CNTN6: variants seen among roughly 807,000 people sequenced by gnomAD.
CNTN6 encodes contactin-6.
In CNTN6, 137 loss-of-function variants were observed where a neutral mutation model predicts 122.8. The observed-to-expected ratio is 1.12, with a 90% CI of 0.97 to 1.29. CNTN6 has a LOEUF of 1.29. CNTN6 is among the 50% of genes most tolerant of loss of function. CNTN6 has a pLI of 0.00. For synonymous variants in CNTN6, 570 were observed against 426.0 expected (o/e 1.34, Z -4.16); for missense variants, 1,634 against 1,223.4 (o/e 1.34, Z -5.01).
At chr3:1,257,011 A>T (rs1260569672) in intron 4 of CNTN6, among the ~76,000 whole-genome samples, 2 of 152,142 alleles carry the variant, frequency 1.3e-5, no homozygotes, top group Non-Finnish European at 2.9e-5. Context: ...GCACCACCCG[A>T]ATATGCTATT....
chr3:1,171,896 C>T (rs1373437777), intron 2 of CNTN6, among the ~76,000 whole-genome samples: 2 of 152,158 alleles, frequency 1.3e-5, no homozygotes, highest in East Asian at 3.9e-4. Flanking sequence ...CGTGAGCTAC[C>T]ACACTCGGCC....
chr3:1,209,583 C>T (rs539397365), intron 2 of CNTN6, among the ~76,000 whole-genome samples: 341 of 152,270 alleles, frequency 2.2e-3, no homozygotes, highest in Middle Eastern at 6.8e-3. Flanking sequence ...ATTCCAAATA[C>T]ATTTGTTGAA....
intron 1 of CNTN6, among the ~76,000 whole-genome samples, chr3:1,142,719 A>G (rs1050449892): frequency 6.6e-5 from 10 of 151,852 alleles, no homozygotes; most frequent in African/African-American, 2.4e-4. Flanking sequence ...ACATCAATAA[A>G]CAGGCATGTT....
At chr3:1,299,627 T>A (rs948050653) in intron 7 of CNTN6, among the ~76,000 whole-genome samples, 3 of 152,198 alleles carry the variant, frequency 2.0e-5, no homozygotes, top group African/African-American at 7.2e-5. Context: ...ATTGGAGAAG[T>A]AACCTGTTCA....
intron 4 of CNTN6, among the ~76,000 whole-genome samples, chr3:1,229,399 C>A (rs899122703): frequency 6.6e-6 from 1 of 151,944 alleles, no homozygotes; most frequent in Non-Finnish European, 1.5e-5. Context: ...AATCAGATTC[C>A]ATAATCATAA....
intron 1 of CNTN6, among the ~76,000 whole-genome samples, chr3:1,121,767 C>T (rs1434265482): frequency 1.3e-5 from 2 of 151,926 alleles, no homozygotes. Context: ...GTAAGACCAT[C>T]ATTTACCTAT....
intron 5 of CNTN6, 40 bp downstream of exon 5, chr3:1,278,548 A>C (rs1393520911): frequency 7.2e-7 from 1 of 1,394,320 alleles, no homozygotes; most frequent in African/African-American, 1.4e-5. Flanking sequence ...CAATGCGGTC[A>C]CTTGGAGAGT....
chr3:1,361,431 A>C (rs1421459846), intron 12 of CNTN6, among the ~76,000 whole-genome samples: 1 of 152,098 alleles, frequency 6.6e-6, no homozygotes, highest in Non-Finnish European at 1.5e-5. Context: ...ACTGATGTAT[A>C]ATTTGGAATA....
chr3:1,329,998 G>T, intron 11 of CNTN6, 63 bp downstream of exon 11: 1 of 1,267,958 alleles, frequency 7.9e-7, no homozygotes, highest in Non-Finnish European at 1.0e-6. Flanking sequence ...CAAATTTTTA[G>T]GTTTTAGTAG....
chr3:1,388,570 T>A (rs939697786), intron 20 of CNTN6, among the ~76,000 whole-genome samples: 1 of 150,564 alleles, frequency 6.6e-6, no homozygotes, highest in Non-Finnish European at 1.5e-5. Context: ...GGAGAATGAC[T>A]TTGACGAGCT....
intron 1 of CNTN6, among the ~76,000 whole-genome samples, chr3:1,120,242 GA>G (rs2091899127): frequency 2.6e-5 from 4 of 151,838 alleles, no homozygotes; most frequent in Non-Finnish European, 2.9e-5. Flanking sequence ...CTTTAGAGAG[GA>G]ATTGATGGGT....
Position 1,385,817 on chromosome 3 carries a change from A to G in CNTN6, c.2704+20A>G. On this transcript the variant is annotated intron_variant, in intron 20 of 22. Coordinates refer to ENST00000446702, the MANE Select transcript of CNTN6 (RefSeq NM_001289080.2). ...AGTCTCGTAAGTATGCATACACTCC[A>G]GGAAACAAGATTCATCTGTGAAGAG... The G allele has an allele frequency of 6.3e-7, 1 of 1,579,314 alleles. No homozygotes were observed. The highest frequency in any genetic ancestry group is 8.6e-7 in the Non-Finnish European group (1 of 1,164,274).
At position 1,159,166 on chromosome 3, in the gene CNTN6, C is replaced by G. The variant is rs79108312; in HGVS notation, c.55+11103C>G. Among the ~76,000 whole-genome samples, 254 of 151,910 alleles carry G rather than the reference C, an allele frequency of 1.7e-3. 3 individuals are homozygous for G. The highest frequency in any genetic ancestry group is 5.8e-3 in the African/African-American group (242 of 41,396). On this transcript the variant is annotated intron_variant, in intron 2 of 22. Coordinates refer to ENST00000446702, the MANE Select transcript of CNTN6 (RefSeq NM_001289080.2). ...GAACTGGATTGTGTTCAAATTACCG[C>G]CTAATTACCATAGTGGGGGCTTATT...
chr3:1,143,987 AGAGAC>A (rs2092670282), intron 1 of CNTN6, among the ~76,000 whole-genome samples: 1 of 152,244 alleles, frequency 6.6e-6, no homozygotes, highest in South Asian at 2.1e-4. Flanking sequence ...GTTAAGAGAA[AGAGAC>A]AATAGTAGAA....
rs758500190 is a variant in CNTN6, at chr3:1,295,817, G to C, written c.658+13G>C. On this transcript the variant is annotated intron_variant, in intron 6 of 22. Transcript: ENST00000446702. The stretch of plus-strand genomic sequence containing the variant: ...CAGCGCACTGATGGTAAGATAATGA[G>C]TTATCTTGGGAATGTACTTTATCTT... The C allele has an allele frequency of 1.3e-5, 20 of 1,596,760 alleles. No homozygotes were observed. The African/African-American group carries it at 2.4e-4, about 19-fold the overall frequency.
At chr3:1,362,992 G>C (rs1707695721) in intron 12 of CNTN6, among the ~76,000 whole-genome samples, 1 of 151,754 alleles carries the variant, frequency 6.6e-6, no homozygotes, top group Non-Finnish European at 1.5e-5. Flanking sequence ...ATGCGCTAAA[G>C]ACAATACCAA....
intron 1 of CNTN6, among the ~76,000 whole-genome samples, chr3:1,126,418 G>A (rs972976187): frequency 6.6e-6 from 1 of 151,782 alleles, no homozygotes; most frequent in African/African-American, 2.4e-5. Context: ...TGTTCAGTTT[G>A]ACCTTTTCCA....
intron 12 of CNTN6, among the ~76,000 whole-genome samples, chr3:1,368,800 C>G (rs1708584680): frequency 6.6e-6 from 1 of 151,938 alleles, no homozygotes; most frequent in African/African-American, 2.4e-5. Context: ...GAATCATACC[C>G]TAATTTTATT....
intron 21 of CNTN6, among the ~76,000 whole-genome samples, chr3:1,401,969 C>T (rs552644089): frequency 3.2e-4 from 48 of 152,106 alleles, no homozygotes; most frequent in African/African-American, 1.1e-3. Context: ...AACTCATTTC[C>T]ATCAGTGACA....
Sources: allele counts gnomAD v4.1 joint callset (sites outside exome capture counted in the v4.1 genomes callset), GRCh38; gene constraint gnomAD v4.1.1; transcripts MANE v1.5; gene names NCBI Gene and HGNC (gene_info 2026-07-23, HGNC 2026-07-21).